CAB39L: variants seen among roughly 807,000 people sequenced by gnomAD.
CAB39L encodes calcium binding protein 39 like.
Under a neutral mutation model 39.1 loss-of-function variants are expected in CAB39L, and 23 were observed. That is an observed-to-expected ratio of 0.59 (90% CI 0.42 to 0.83). The LOEUF is 0.83. Ranked by LOEUF, CAB39L falls within the 40% of genes least tolerant of loss-of-function variation. The probability of loss-of-function intolerance (pLI) is 0.00; values close to 1 mark genes in which losing one functional copy is unlikely to be tolerated. For missense variants in CAB39L, 366 were observed against 391.9 expected (o/e 0.93, Z 0.56); for synonymous variants, 126 against 137.2 (o/e 0.92, Z 0.57).
chr13:49,419,487 C>T (rs938844381), intron 3 of CAB39L, among the ~76,000 whole-genome samples: 3 of 152,026 alleles, frequency 2.0e-5, no homozygotes, highest in Non-Finnish European at 2.9e-5. Context: ...CTGAGGTGGG[C>T]GGACTGCTTG....
intron 3 of CAB39L, among the ~76,000 whole-genome samples, chr13:49,419,473 AGGACTGAGGTGGGC>A (rs1566131508): frequency 6.6e-6 from 1 of 152,154 alleles, no homozygotes; most frequent in Non-Finnish European, 1.5e-5. Flanking sequence ...AGCTGCTCAG[AGGACTGAGGTGGGC>A]GGACTGCTTG....
At chr13:49,429,959 C>A (rs1957295411) in intron 3 of CAB39L, among the ~76,000 whole-genome samples, 1 of 152,018 alleles carries the variant, frequency 6.6e-6, no homozygotes. Context: ...TCTAATGTTA[C>A]CTTTTTTATT....
chr13:49,353,193 C>T (rs1209384828), intron 6 of CAB39L, among the ~76,000 whole-genome samples: 1 of 152,174 alleles, frequency 6.6e-6, no homozygotes, highest in Non-Finnish European at 1.5e-5. Context: ...ATTTATAGTG[C>T]TAGCAATTTC....
At chr13:49,332,151 C>CA (rs1241305322) in intron 9 of CAB39L, 61 bp from the exon 10 acceptor site, 5 of 1,554,162 alleles carry the variant, frequency 3.2e-6, no homozygotes, top group Non-Finnish European at 4.4e-6. Context: ...AAATATAGCT[C>CA]ACGTCTTCTC....
chr13:49,404,079 T>C (rs1956826652), intron 3 of CAB39L, among the ~76,000 whole-genome samples: 1 of 152,218 alleles, frequency 6.6e-6, no homozygotes, highest in Non-Finnish European at 1.5e-5. Context: ...AACCCAGTAC[T>C]GTGCTGGCTT....
At chr13:49,358,597 A>G (rs1297174512) in intron 6 of CAB39L, among the ~76,000 whole-genome samples, 2 of 152,218 alleles carry the variant, frequency 1.3e-5, no homozygotes, top group African/African-American at 4.8e-5. Flanking sequence ...GCAGTGGCTC[A>G]CGCCTGTAAT....
At chr13:49,425,455 G>C (rs1387595929) in intron 3 of CAB39L, among the ~76,000 whole-genome samples, 1 of 152,086 alleles carries the variant, frequency 6.6e-6, no homozygotes, top group Non-Finnish European at 1.5e-5. Context: ...ATAGAGATGA[G>C]TATAAAAGTT....
chr13:49,424,987 A>T (rs1957221692), intron 3 of CAB39L, among the ~76,000 whole-genome samples: 1 of 152,178 alleles, frequency 6.6e-6, no homozygotes, highest in Admixed American at 6.5e-5. Flanking sequence ...AATCCACAAG[A>T]ATGCATTAAG....
intron 3 of CAB39L, among the ~76,000 whole-genome samples, chr13:49,406,677 C>T (rs1956887965): frequency 6.6e-6 from 1 of 152,000 alleles, no homozygotes; most frequent in Admixed American, 6.5e-5. Flanking sequence ...AAAAAAGTCA[C>T]TCCAAAAAAA....
At chr13:49,378,522 G>A (rs1317816376) in intron 4 of CAB39L, among the ~76,000 whole-genome samples, 1 of 63,630 alleles carries the variant, frequency 1.6e-5, no homozygotes, top group Non-Finnish European at 3.1e-5. Flanking sequence ...CAGCCACCCC[G>A]TCCGGGAGGG....
At chr13:49,431,814 A>G (rs1957330172) in intron 3 of CAB39L, among the ~76,000 whole-genome samples, 1 of 152,238 alleles carries the variant, frequency 6.6e-6, no homozygotes, top group South Asian at 2.1e-4. Context: ...GCATATGTCC[A>G]TATAAAAACT....
intron 3 of CAB39L, among the ~76,000 whole-genome samples, chr13:49,397,835 A>G (rs1160207431): frequency 6.6e-6 from 1 of 152,248 alleles, no homozygotes; most frequent in South Asian, 2.1e-4. Context: ...ATTAGATCTT[A>G]CTGAAATTAA....
chr13:49,345,245 A>G (rs1955114417), intron 7 of CAB39L, among the ~76,000 whole-genome samples: 1 of 152,234 alleles, frequency 6.6e-6, no homozygotes. Context: ...ATAACTTCAC[A>G]AAGAAAAGGC....
chr13:49,349,639 T>C (rs1955282333), intron 7 of CAB39L, among the ~76,000 whole-genome samples: 1 of 152,012 alleles, frequency 6.6e-6, no homozygotes, highest in African/African-American at 2.4e-5. Flanking sequence ...TTTATTTCTA[T>C]TTATATCTTA....
chr13:49,336,478 G>T (rs946501876), intron 9 of CAB39L, among the ~76,000 whole-genome samples: 2 of 152,170 alleles, frequency 1.3e-5, no homozygotes, highest in African/African-American at 4.8e-5. Flanking sequence ...ATGAAAAACA[G>T]GAAAGATGCC....
chr13:49,441,221 GTATATATA>G (rs59783079), intron 1 of CAB39L, among the ~76,000 whole-genome samples: 43 of 121,464 alleles, frequency 3.5e-4, no homozygotes, highest in African/African-American at 1.1e-3. Flanking sequence ...ATGATTTAGT[GTATATATA>G]TATATATATA....
At chr13:49,360,428 A>T (rs1003279576) in intron 5 of CAB39L, among the ~76,000 whole-genome samples, 1 of 152,202 alleles carries the variant, frequency 6.6e-6, no homozygotes, top group African/African-American at 2.4e-5. Flanking sequence ...AGAGGAACAG[A>T]AGAGATCACC....
intron 9 of CAB39L, among the ~76,000 whole-genome samples, chr13:49,335,567 T>C (rs994477951): frequency 2.6e-5 from 4 of 152,358 alleles, no homozygotes; most frequent in Admixed American, 2.6e-4. Flanking sequence ...TTTACTTCTT[T>C]AAATTTCTTA....
intron 1 of CAB39L, among the ~76,000 whole-genome samples, chr13:49,435,039 C>T (rs772838937): frequency 1.4e-4 from 21 of 152,228 alleles, no homozygotes; most frequent in Non-Finnish European, 2.8e-4. Context: ...GTTGTTGGCA[C>T]CTTTACCCTG....
Sources: gnomAD v4.1 joint callset for allele counts (sites outside exome capture counted in the v4.1 genomes callset) on GRCh38, gnomAD v4.1.1 for gene constraint, MANE v1.5 for transcripts, NCBI Gene and HGNC (gene_info 2026-07-23, HGNC 2026-07-21) for gene names.